DPP10: variants seen among roughly 807,000 people sequenced by gnomAD.
DPP10 encodes the protein dipeptidyl peptidase like 10.
In DPP10, 33 loss-of-function variants were observed where a neutral mutation model predicts 120.9. The ratio of observed to expected loss-of-function variants is 0.27; its 90% confidence interval spans 0.21 to 0.37. The LOEUF is 0.37. Among genes scored for constraint, DPP10 ranks in the 10% least tolerant of loss-of-function variants. The pLI is 1.00. For synonymous variants in DPP10, 337 were observed against 326.1 expected, an observed-to-expected ratio of 1.03 and a Z score of -0.36; for missense variants, 816 against 942.8, an observed-to-expected ratio of 0.87 and a Z score of 1.76.
At chr2:114,639,388 A>G (rs1695540869) in intron 1 of DPP10, among the ~76,000 whole-genome samples, 1 of 151,948 alleles carries the variant, frequency 6.6e-6, no homozygotes, top group Non-Finnish European at 1.5e-5. Context: ...TATGGGAGCT[A>G]GTCAAGATAA....
At chr2:115,310,777 A>T (rs2061545074) in intron 2 of DPP10, among the ~76,000 whole-genome samples, 1 of 152,194 alleles carries the variant, frequency 6.6e-6, no homozygotes, top group Admixed American at 6.5e-5. Flanking sequence ...CAAGAAGTTT[A>T]ACATAATTAT....
At chr2:115,676,220 A>G (rs1176000544) in intron 5 of DPP10, among the ~76,000 whole-genome samples, 1 of 152,218 alleles carries the variant, frequency 6.6e-6, no homozygotes, top group East Asian at 1.9e-4. Context: ...AACTTGTGCC[A>G]TGGCAAATAA....
intron 1 of DPP10, chr2:115,162,335 C>G: frequency 6.9e-7 from 1 of 1,448,902 alleles, no homozygotes; most frequent in Non-Finnish European, 9.1e-7. Flanking sequence ...GGAGAGGCGG[C>G]CGGGACCAAG....
chr2:115,095,172 C>T (rs926795553), intron 1 of DPP10, among the ~76,000 whole-genome samples: 1 of 152,116 alleles, frequency 6.6e-6, no homozygotes, highest in Non-Finnish European at 1.5e-5. Context: ...TTTTATTATG[C>T]CTTTGTCTCT....
At chr2:114,784,063 C>T (rs1409938796) in intron 1 of DPP10, among the ~76,000 whole-genome samples, 1 of 152,016 alleles carries the variant, frequency 6.6e-6, no homozygotes, top group Non-Finnish European at 1.5e-5. Flanking sequence ...GAGTTAATGC[C>T]TGTGAGGCTA....
At chr2:115,187,580 G>T (rs2054555689) in intron 1 of DPP10, among the ~76,000 whole-genome samples, 1 of 152,162 alleles carries the variant, frequency 6.6e-6, no homozygotes, top group Non-Finnish European at 1.5e-5. Flanking sequence ...GATGGTCCAG[G>T]ACACCTAGGA....
chr2:115,565,984 A>G (rs1243908567), intron 5 of DPP10, among the ~76,000 whole-genome samples: 8 of 151,690 alleles, frequency 5.3e-5, no homozygotes, highest in Admixed American at 4.6e-4. Flanking sequence ...ACGGGGTTTC[A>G]CCATGTTGGC....
intron 1 of DPP10, among the ~76,000 whole-genome samples, chr2:114,700,536 A>G (rs1178372262): frequency 6.6e-6 from 1 of 152,090 alleles, no homozygotes; most frequent in African/African-American, 2.4e-5. Flanking sequence ...CTTCTCTTCT[A>G]TTGTTTCCCC....
At chr2:115,291,860 G>A (rs1205896091) in intron 1 of DPP10, among the ~76,000 whole-genome samples, 5 of 152,054 alleles carry the variant, frequency 3.3e-5, no homozygotes, top group Non-Finnish European at 7.4e-5. Context: ...GTGCCACCAC[G>A]TGCTCCCTAA....
intron 1 of DPP10, among the ~76,000 whole-genome samples, chr2:115,140,269 A>G (rs1057512133): frequency 1.3e-5 from 2 of 152,174 alleles, no homozygotes; most frequent in Non-Finnish European, 2.9e-5. Flanking sequence ...AGCTATGTGG[A>G]TGTTCTAGGG....
intron 1 of DPP10, among the ~76,000 whole-genome samples, chr2:114,512,940 A>C (rs186224329): frequency 6.6e-6 from 1 of 152,172 alleles, no homozygotes; most frequent in Non-Finnish European, 1.5e-5. Context: ...AATGCAGATC[A>C]TTGACTGAAC....
At chr2:115,793,123 AC>A (rs1443097589) in intron 19 of DPP10, among the ~76,000 whole-genome samples, 1 of 152,146 alleles carries the variant, frequency 6.6e-6, no homozygotes, top group Non-Finnish European at 1.5e-5. Context: ...ATAAGGACCT[AC>A]ACAAGAAACC....
chr2:114,529,763 T>G (rs1283145688), intron 1 of DPP10, among the ~76,000 whole-genome samples: 1 of 152,138 alleles, frequency 6.6e-6, no homozygotes, highest in African/African-American at 2.4e-5. Flanking sequence ...CAGGGGGGTT[T>G]GTTGTACAGA....
At chr2:115,347,082 A>C (rs1013595866) in intron 3 of DPP10, among the ~76,000 whole-genome samples, 2 of 152,220 alleles carry the variant, frequency 1.3e-5, no homozygotes, top group Non-Finnish European at 1.5e-5. Flanking sequence ...AAAAGAGAAA[A>C]GCATAACAAA....
intron 1 of DPP10, among the ~76,000 whole-genome samples, chr2:114,827,105 A>G (rs1049415125): frequency 8.6e-5 from 13 of 151,732 alleles, no homozygotes; most frequent in African/African-American, 2.9e-4. Context: ...CATTCCTGTG[A>G]CCTGCTTGGG....
At chr2:115,554,472 G>T (rs1298646314) in intron 5 of DPP10, among the ~76,000 whole-genome samples, 1 of 151,850 alleles carries the variant, frequency 6.6e-6, no homozygotes, top group Non-Finnish European at 1.5e-5. Context: ...CTACTGATTT[G>T]GGGTAGATGC....
At chr2:114,551,293 C>A (rs1450910213) in intron 1 of DPP10, among the ~76,000 whole-genome samples, 1 of 152,190 alleles carries the variant, frequency 6.6e-6, no homozygotes, top group East Asian at 1.9e-4. Context: ...GAATGGTCCC[C>A]ATCATGCCCG....
At chr2:115,822,017 T>C (rs1687867079) in intron 21 of DPP10, among the ~76,000 whole-genome samples, 1 of 152,048 alleles carries the variant, frequency 6.6e-6, no homozygotes, top group South Asian at 2.1e-4. Flanking sequence ...TCATTTGTTC[T>C]ACATTTACGC....
chr2:115,224,909 A>G (rs2057359423), intron 1 of DPP10, among the ~76,000 whole-genome samples: 1 of 152,186 alleles, frequency 6.6e-6, no homozygotes, highest in Admixed American at 6.5e-5. Context: ...AGGTATGAGT[A>G]TCATTTGCAT....
Sources: allele counts gnomAD v4.1 joint callset (sites outside exome capture counted in the v4.1 genomes callset), GRCh38; gene constraint gnomAD v4.1.1; transcripts MANE v1.5; gene names NCBI Gene and HGNC (gene_info 2026-07-23, HGNC 2026-07-21).